GCSH: variants seen among roughly 807,000 people sequenced by gnomAD.
GCSH encodes the protein glycine cleavage system protein H, also known as glycine cleavage system H protein, mitochondrial.
A neutral mutation model predicts 21.3 loss-of-function variants in GCSH; 15 were observed. The observed-to-expected ratio is 0.70, with a 90% CI of 0.47 to 1.08. The LOEUF (loss-of-function observed/expected upper bound fraction) is 1.08, where lower values mean the gene tolerates loss of function less well. Among genes scored for constraint, GCSH ranks in the 50% least tolerant of loss-of-function variants. GCSH has a pLI of 0.00. For missense variants in GCSH, 179 were observed against 217.5 expected, an observed-to-expected ratio of 0.82 and a Z score of 1.11; for synonymous variants, 59 against 84.5, an observed-to-expected ratio of 0.70 and a Z score of 1.66.
chr16:81,086,577 A>C (rs1483071254), intron 3 of GCSH, among the ~76,000 whole-genome samples: 1 of 151,978 alleles, frequency 6.6e-6, no homozygotes, highest in Non-Finnish European at 1.5e-5. Flanking sequence ...GAAGAAAAAA[A>C]AAAGAACAGT....
chr16:81,087,231 AAG>A (rs1597165952), intron 3 of GCSH, among the ~76,000 whole-genome samples: 1 of 152,022 alleles, frequency 6.6e-6, no homozygotes, highest in East Asian at 1.9e-4. Flanking sequence ...CTTGGGTCAA[AAG>A]CACTCTAATT....
Position 81,082,901 on chromosome 16 carries a change from C to G in GCSH, c.487G>C (p.Ala163Pro). The G allele has an allele frequency of 2.7e-6, 4 of 1,472,248 alleles. No homozygotes were observed. The highest frequency in any genetic ancestry group is 3.8e-6 in the Non-Finnish European group (4 of 1,051,260). The allele number at this position is 1,472,248 out of a possible 1,614,324, so 91.2% of individuals were successfully genotyped here. A position where few individuals can be genotyped will look rare whatever the true frequency, so the allele number is the denominator to read the frequency against. The change falls in exon 5 of 5, where the codon GCA (alanine) becomes CCA (proline). Residue 163 changes from alanine (A) to proline (P), a missense_variant. Physicochemically the swap from Ala to Pro is conservative, Grantham distance 27 (BLOSUM62 -1). Coordinates refer to ENST00000315467, the MANE Select transcript of GCSH (RefSeq NM_004483.5). ...ATAGATTTTATGTATTTCTCATATG[C>G]TTCTTCACTCATAAGTTCATCTAGT... ...SELDELMSEEAYEKYIKSIEE is the reference protein window; with the variant it reads ...SELDELMSEEPYEKYIKSIEE
rs1004471839 is a variant in GCSH at position 81,092,607 on chromosome 16, G to A, written c.149-1927C>T. ...AAAATACAAAAATTAGCCAGGTGTGGTGGCACACTCCTGTAATGCCAGCGA... is the reference window on the plus strand; with the variant it reads ...AAAATACAAAAATTAGCCAGGTGTGATGGCACACTCCTGTAATGCCAGCGA... On this transcript the variant is annotated intron_variant, in intron 1 of 4. Coordinates refer to ENST00000315467, the MANE Select transcript of GCSH (RefSeq NM_004483.5). Among the ~76,000 whole-genome samples the A allele has an allele frequency of 4.6e-5, 7 of 151,658 alleles. No individual in the cohort carries two copies. In the South Asian group the frequency reaches 6.2e-4, roughly 14 times the overall value.
chr16:81,089,723 A>G (rs1972360061), intron 2 of GCSH, among the ~76,000 whole-genome samples: 2 of 152,108 alleles, frequency 1.3e-5, no homozygotes, highest in South Asian at 4.1e-4. Flanking sequence ...ATCACTGAAC[A>G]CGCTAGGATT....
chr16:81,094,422 T>C (rs1202688399), intron 1 of GCSH, among the ~76,000 whole-genome samples: 3 of 151,920 alleles, frequency 2.0e-5, no homozygotes, highest in African/African-American at 4.8e-5. Flanking sequence ...GGAGAAGTGT[T>C]TGAACCCGGG....
intron 4 of GCSH, chr16:81,083,182 T>G (rs1332008832): frequency 2.1e-5 from 9 of 427,416 alleles, no homozygotes; most frequent in African/African-American, 6.3e-5. Context: ...CCATAATAAA[T>G]TAAGAACTCT....
chr16:81,095,507 C>G (rs1398045506), intron 1 of GCSH, among the ~76,000 whole-genome samples: 2 of 151,890 alleles, frequency 1.3e-5, no homozygotes, highest in South Asian at 2.1e-4. Flanking sequence ...CTCAGCCTCC[C>G]GAGTAGCTGG....
At chr16:81,094,543 T>A (rs375877372) in intron 1 of GCSH, among the ~76,000 whole-genome samples, 14 of 151,854 alleles carry the variant, frequency 9.2e-5, no homozygotes, top group African/African-American at 3.1e-4. Context: ...AACCACAGAC[T>A]TGAAACTAAA....
intron 1 of GCSH, 101 bp downstream of exon 1, chr16:81,096,030 G>T: frequency 1.0e-6 from 1 of 1,004,984 alleles, no homozygotes; most frequent in Non-Finnish European, 1.3e-6. Flanking sequence ...CCGCCCCGGT[G>T]GCTCAGGAGC....
intron 2 of GCSH, 78 bp from the exon 3 acceptor site, chr16:81,087,742 C>G: frequency 1.1e-6 from 1 of 921,134 alleles, no homozygotes; most frequent in Non-Finnish European, 1.8e-6. Context: ...AAGCCAAACA[C>G]TGAATCCCCT....
Position 81,082,829 on chromosome 16 carries a change from G to A in GCSH, c.*37C>T, listed in dbSNP as rs757793894. 2.2e-6 allele frequency: 2 copies of A among 902,448 alleles called. No homozygotes were observed. The highest frequency in any genetic ancestry group is 3.4e-5 in the African/African-American group (2 of 58,564). 55.9% of individuals were successfully genotyped at this position (902,448 alleles called of 1,614,324 possible). A position where few individuals can be genotyped will look rare whatever the true frequency, so the allele number is the denominator to read the frequency against. The stretch of plus-strand genomic sequence containing the variant: ...TAATTTAAGACAACTCTGCTGGCTT[G>A]CGTTATTTCATACTAGTTTATTTAG... On this transcript the variant is annotated 3_prime_UTR_variant, in exon 5 of 5. Coordinates refer to ENST00000315467, the MANE Select transcript of GCSH (RefSeq NM_004483.5).
chr16:81,088,985 C>T (rs111875492), intron 2 of GCSH, among the ~76,000 whole-genome samples: 67 of 152,230 alleles, frequency 4.4e-4, no homozygotes, highest in Admixed American at 5.9e-4. Flanking sequence ...GAGGTAAGGA[C>T]GACATCTTAC....
Position 81,096,248 on chromosome 16 carries a change from C to A in GCSH, c.31G>T (p.Ala11Ser), listed in dbSNP as rs766468139. The A allele has an allele frequency of 8.1e-6, 11 of 1,359,506 alleles. No homozygotes were observed. The highest frequency in any genetic ancestry group is 6.1e-5 in the African/African-American group (4 of 65,398). 84.2% of individuals were successfully genotyped at this position (1,359,506 alleles called of 1,614,324 possible). A position where few individuals can be genotyped will look rare whatever the true frequency, so the allele number is the denominator to read the frequency against. The change falls in exon 1 of 5, where the codon GCC (alanine) becomes TCC (serine). Residue 11 changes from alanine to serine, a missense_variant. Transcript: ENST00000315467. The part of the protein sequence containing the change: MALRVVRSVR[A>S]LLCTLRAVPS... The stretch of plus-strand genomic sequence containing the variant: ...ACCGCGCGCAGGGTGCAGAGCAGGG[C>A]CCGCACGCTCCGCACCACTCGCAGC...
chr16:81,086,738 C>CGAAAAAAATTTAATT (rs143502213), intron 3 of GCSH, among the ~76,000 whole-genome samples: 14,876 of 151,674 alleles, frequency 0.098, 807 homozygotes, highest in East Asian at 0.19. Context: ...CAAATTTAAT[C>CGAAAAAAATTTAATT]GAAAAAAAAT....
chr16:81,084,577 C>A lies in GCSH; in HGVS notation c.310G>T (p.Glu104Ter). Residue 104 changes from glutamate to a stop codon, truncating the protein, a stop_gained, in exon 4 of 5, where the codon GAA becomes TAA. Coordinates refer to ENST00000315467, the MANE Select transcript of GCSH (RefSeq NM_004483.5). LOFTEE classifies it high-confidence loss of function. ...AGTTCACTAGCAGCTTTCACACTTT[C>A]CAAAGCACCAAACTCATCTAAGTGG... ...LNKQDEFGAL[E>*]SVKAASELYS... 8 of 1,607,102 alleles carry A rather than the reference C, an allele frequency of 5.0e-6. No homozygotes were observed. The highest frequency in any genetic ancestry group is 6.8e-6 in the Non-Finnish European group (8 of 1,174,110).
intron 3 of GCSH, among the ~76,000 whole-genome samples, chr16:81,086,673 G>GGAAAAAGGAATGAAATGGGAAT (rs141022001): frequency 0.088 from 13,378 of 151,938 alleles, 679 homozygotes; most frequent in East Asian, 0.19. Flanking sequence ...AATCAGAGAA[G>GGAAAAAGGAATGAAATGGGAAT]GAAAAAGGAA....
chr16:81,086,733 T>G (rs899265129), intron 3 of GCSH, among the ~76,000 whole-genome samples: 8 of 146,644 alleles, frequency 5.5e-5, no homozygotes, highest in African/African-American at 2.0e-4. Context: ...GTCTCCAAAT[T>G]TAATCGAAAA....
At chr16:81,096,096 G>C (rs1262346442) in intron 1 of GCSH, 35 bp downstream of exon 1, 2 of 1,239,312 alleles carry the variant, frequency 1.6e-6, no homozygotes, top group Admixed American at 8.5e-5. Flanking sequence ...CCCAGGCGGG[G>C]AGGGAGCAGC....
At chr16:81,087,747 T>C in intron 2 of GCSH, 83 bp from the exon 3 acceptor site, 2 of 893,448 alleles carry the variant, frequency 2.2e-6, no homozygotes, top group Admixed American at 1.8e-5. Context: ...AAACACTGAA[T>C]CCCCTATAAT....
Sources: gnomAD v4.1 joint callset for allele counts (sites outside exome capture counted in the v4.1 genomes callset) on GRCh38, gnomAD v4.1.1 for gene constraint, MANE v1.5 for transcripts, NCBI Gene and HGNC (gene_info 2026-07-23, HGNC 2026-07-21) for gene names.